COL21A1: variants seen among roughly 807,000 people sequenced by gnomAD.
COL21A1 encodes the protein collagen type XXI alpha 1 chain, also known as collagen alpha-1(XXI) chain.
COL21A1 carries 149 observed loss-of-function variants against 137.9 expected under a neutral mutation model. That is an observed-to-expected ratio of 1.08 (90% CI 0.95 to 1.24). The LOEUF (loss-of-function observed/expected upper bound fraction) is 1.24, where lower values mean the gene tolerates loss of function less well. Among genes scored for constraint, COL21A1 ranks in the 50% most tolerant of loss-of-function variants. The probability of loss-of-function intolerance (pLI) is 0.00; values close to 1 mark genes in which losing one functional copy is unlikely to be tolerated. For missense variants in COL21A1, 1,167 were observed against 1,158.4 expected (o/e 1.01, Z -0.11); for synonymous variants, 456 against 391.5 (o/e 1.16, Z -1.95).
At position 56,179,897 on chromosome 6, in the gene COL21A1, T is replaced by C. The variant is rs754781805; in HGVS notation, c.321A>G (p.Ile107Met). The C allele has an allele frequency of 3.5e-5, 56 of 1,613,840 alleles. 2 individuals are homozygous for C. In the South Asian group the frequency reaches 5.9e-4, roughly 17 times the overall value. ...GEHLTAAVES[I>M]LYLGGNTKTG... ...TCTTTGTGTTTCCTCCTAAGTAGAG[T>C]ATGGATTCCACTGCTGCCGTCAAAT... Residue 107 changes from isoleucine (I) to methionine (M), a missense_variant, in exon 3 of 30, where the codon ATA becomes ATG. Coordinates refer to ENST00000244728, the MANE Select transcript of COL21A1 (RefSeq NM_030820.4).
At chr6:56,133,483 A>T (rs1488835199) in intron 12 of COL21A1, among the ~76,000 whole-genome samples, 2 of 152,228 alleles carry the variant, frequency 1.3e-5, no homozygotes, top group Non-Finnish European at 2.9e-5. Context: ...GAAAATTTGC[A>T]GCCTGATAAT....
intron 1 of COL21A1, among the ~76,000 whole-genome samples, chr6:56,237,523 C>T (rs773177675): frequency 6.6e-6 from 1 of 152,102 alleles, no homozygotes; most frequent in Non-Finnish European, 1.5e-5. Flanking sequence ...CTCGCTTAGG[C>T]TCTTTAGGCC....
intron 17 of COL21A1, among the ~76,000 whole-genome samples, chr6:56,094,464 A>G (rs1769143908): frequency 1.3e-5 from 2 of 152,136 alleles, no homozygotes; most frequent in South Asian, 4.1e-4. Context: ...CTCACTATCA[A>G]TCTTTAACAT....
At chr6:56,240,923 C>T (rs1047009879) in intron 1 of COL21A1, among the ~76,000 whole-genome samples, 3 of 152,150 alleles carry the variant, frequency 2.0e-5, no homozygotes, top group Non-Finnish European at 4.4e-5. Flanking sequence ...CACATGTTTG[C>T]TGTCGTTACA....
At chr6:56,113,051 G>A (rs903700640) in intron 16 of COL21A1, among the ~76,000 whole-genome samples, 1 of 152,178 alleles carries the variant, frequency 6.6e-6, no homozygotes, top group Non-Finnish European at 1.5e-5. Flanking sequence ...GAACTTGAGT[G>A]CCTGTAAACC....
intron 1 of COL21A1, among the ~76,000 whole-genome samples, chr6:56,372,011 A>C (rs2093990032): frequency 6.6e-6 from 1 of 152,148 alleles, no homozygotes; most frequent in Non-Finnish European, 1.5e-5. Context: ...ACAAGGCAAC[A>C]AGTATTGTGC....
At chr6:56,307,167 G>A (rs1486251109) in intron 1 of COL21A1, among the ~76,000 whole-genome samples, 1 of 152,204 alleles carries the variant, frequency 6.6e-6, no homozygotes, top group African/African-American at 2.4e-5. Flanking sequence ...CAACTTGGGG[G>A]TCAGGGACCC....
intron 1 of COL21A1, among the ~76,000 whole-genome samples, chr6:56,314,676 C>T (rs1764691187): frequency 1.3e-5 from 2 of 152,252 alleles, no homozygotes; most frequent in Non-Finnish European, 2.9e-5. Flanking sequence ...GTTCAAAACA[C>T]TCAGTTTTCA....
intron 10 of COL21A1, among the ~76,000 whole-genome samples, chr6:56,150,578 A>G (rs375581777): frequency 6.8e-6 from 1 of 146,848 alleles, no homozygotes; most frequent in Admixed American, 6.8e-5. Context: ...GAGTGGGGGG[A>G]ACTGAATCAC....
At chr6:56,295,076 G>A (rs1041279149) in intron 1 of COL21A1, among the ~76,000 whole-genome samples, 14 of 151,978 alleles carry the variant, frequency 9.2e-5, no homozygotes, top group African/African-American at 2.7e-4. Flanking sequence ...TTGCATGTAC[G>A]TCTATGATCC....
chr6:56,165,767 C>T (rs1776523332), intron 7 of COL21A1, among the ~76,000 whole-genome samples: 1 of 152,092 alleles, frequency 6.6e-6, no homozygotes, highest in Non-Finnish European at 1.5e-5. Context: ...ATGATGACAA[C>T]ATAACTACAC....
intron 1 of COL21A1, among the ~76,000 whole-genome samples, chr6:56,317,877 T>C (rs1582776684): frequency 6.6e-6 from 1 of 152,016 alleles, no homozygotes; most frequent in Admixed American, 6.6e-5. Flanking sequence ...TTCCTTTTCT[T>C]AAAAAAATAA....
intron 1 of COL21A1, among the ~76,000 whole-genome samples, chr6:56,263,724 T>C (rs1188398770): frequency 6.6e-6 from 1 of 152,238 alleles, no homozygotes; most frequent in African/African-American, 2.4e-5. Flanking sequence ...TTCTATTTTG[T>C]TGTTACCCAA....
intron 1 of COL21A1, among the ~76,000 whole-genome samples, chr6:56,186,500 C>A (rs1051920357): frequency 6.6e-6 from 1 of 152,100 alleles, no homozygotes; most frequent in Non-Finnish European, 1.5e-5. Context: ...ATAGTTCTAG[C>A]TACAGCCATG....
chr6:56,092,333 G>T (rs1231767376), intron 17 of COL21A1, among the ~76,000 whole-genome samples: 2 of 151,980 alleles, frequency 1.3e-5, no homozygotes, highest in East Asian at 3.9e-4. Context: ...TAAACCATAC[G>T]ATTTGTATCC....
chr6:56,182,002 T>C (rs1001021385), intron 2 of COL21A1, among the ~76,000 whole-genome samples: 1 of 152,188 alleles, frequency 6.6e-6, no homozygotes, highest in Non-Finnish European at 1.5e-5. Context: ...AGTTAATTTA[T>C]AGTAGGATGC....
chr6:56,283,366 A>C (rs1763827398), intron 1 of COL21A1, among the ~76,000 whole-genome samples: 1 of 152,170 alleles, frequency 6.6e-6, no homozygotes, highest in Non-Finnish European at 1.5e-5. Flanking sequence ...ATCTCATCAT[A>C]AAGGTTAAGA....
At chr6:56,070,251 T>TA (rs1766626604) in intron 21 of COL21A1, among the ~76,000 whole-genome samples, 1 of 151,568 alleles carries the variant, frequency 6.6e-6, no homozygotes, top group South Asian at 2.1e-4. Context: ...TTACTGTACT[T>TA]ACTTCCTAGC....
intron 1 of COL21A1, among the ~76,000 whole-genome samples, chr6:56,340,156 A>T (rs1765433147): frequency 6.6e-6 from 1 of 151,980 alleles, no homozygotes; most frequent in Non-Finnish European, 1.5e-5. Context: ...TTTGATCTAG[A>T]TTTATTTTTC....
Sources: gnomAD v4.1 joint callset for allele counts (sites outside exome capture counted in the v4.1 genomes callset) on GRCh38, gnomAD v4.1.1 for gene constraint, MANE v1.5 for transcripts, NCBI Gene and HGNC (gene_info 2026-07-23, HGNC 2026-07-21) for gene names.